The following ATP8B3 variants were observed in gnomAD, a reference collection of about 807,000 sequenced individuals.
ATP8B3 encodes ATPase phospholipid transporting 8B3, also known as phospholipid-transporting ATPase IK.
In ATP8B3, 141 loss-of-function variants were observed where a neutral mutation model predicts 140.9. The ratio of observed to expected loss-of-function variants is 1.00; its 90% confidence interval spans 0.87 to 1.15. The LOEUF is 1.15. Among genes scored for constraint, ATP8B3 ranks in the 50% most tolerant of loss-of-function variants. ATP8B3 has a pLI of 0.00. For missense variants in ATP8B3, 1,874 were observed against 1,740.6 expected (o/e 1.08, Z -1.36); for synonymous variants, 765 against 714.6 (o/e 1.07, Z -1.13).
At chr19:1,786,331 C>T (rs2068303145) in intron 25 of ATP8B3, among the ~76,000 whole-genome samples, 1 of 151,988 alleles carries the variant, frequency 6.6e-6, no homozygotes, top group South Asian at 2.1e-4. Flanking sequence ...TTGGGGAGGC[C>T]GAGGTGGGAG....
chr19:1,789,856 C>G, intron 22 of ATP8B3, 34 bp downstream of exon 22: 2 of 1,607,472 alleles, frequency 1.2e-6, no homozygotes, highest in South Asian at 2.2e-5. Flanking sequence ...TCCCTGGCGC[C>G]GGGACCCCGC....
rs986209996 is a variant in ATP8B3, at chr19:1,787,182, A to G, written c.3074T>C (p.Leu1025Pro). The G allele has an allele frequency of 6.2e-7, 1 of 1,608,660 alleles. No homozygotes were observed. The highest frequency in any genetic ancestry group is 8.5e-7 in the Non-Finnish European group (1 of 1,177,200). Residue 1025 changes from leucine to proline, a missense_variant, in exon 25 of 29, where the codon CTG becomes CCG. By Grantham distance (98) the Leu-to-Pro change is moderately conservative (BLOSUM62 -3). Coordinates refer to ENST00000310127, the MANE Select transcript of ATP8B3 (RefSeq NM_138813.4). ...AAGAGCCAGGAACCATCCTTCATACAGGGGCTGAGCCGGGGGAGAAGGGCA... is the reference window on the plus strand; with the variant it reads ...AAGAGCCAGGAACCATCCTTCATACGGGGGCTGAGCCGGGGGAGAAGGGCA... ...ACYNGFTGQP[L>P]YEGWFLALFN...
At position 1,785,671 on chromosome 19, in the gene ATP8B3, A is replaced by G. The variant is rs761859581; in HGVS notation, c.3191T>C (p.Leu1064Pro). The change falls in exon 26 of 29, where the codon CTG (leucine) becomes CCG (proline). Residue 1064 changes from leucine to proline, a missense_variant. By Grantham distance (98) the Leu-to-Pro change is moderately conservative. Around this residue, in one of 3 missense-constraint regions of ATP8B3, gnomAD observed 840 missense variants for 760.9 expected, o/e 1.10. Coordinates refer to ENST00000310127, the MANE Select transcript of ATP8B3 (RefSeq NM_138813.4). ...CTCGTCCTTCTGCCCCACCACGTAC[A>G]GCTCCGGCTTCTCCAGGCTCTGCTC... Reference protein sequence around the residue: ...SAEQSLEKPELYVVGQKDELF... With the variant: ...SAEQSLEKPEPYVVGQKDELF... 5.1e-6 allele frequency: 8 copies of G among 1,559,122 alleles called. No individual in the cohort carries two copies. In the Admixed American group the frequency reaches 1.0e-4, roughly 20 times the overall value.
At position 1,789,720 on chromosome 19, in the gene ATP8B3, A is replaced by G; in HGVS notation, c.2486T>C (p.Leu829Pro). The change falls in exon 23 of 29, where the codon CTG (leucine) becomes CCG (proline). Residue 829 changes from leucine to proline, a missense_variant. Leu to Pro is a moderately conservative substitution (Grantham distance 98). This residue lies in a region of ATP8B3 where 840 missense variants were observed against 760.9 expected (regional missense o/e 1.10). Transcript: ENST00000310127. ...LVINGDFLDK[L>P]LVSLRKEPRA... is the part of the protein sequence containing the mutation. Reference sequence around the variant, plus strand: ...CGGCTCCTTCCGCAGGGACACCAGCAGTTTGTCCTGGCCGGCGGGGAGGGG... The same window carrying G: ...CGGCTCCTTCCGCAGGGACACCAGCGGTTTGTCCTGGCCGGCGGGGAGGGG... The G allele has an allele frequency of 6.4e-7, 1 of 1,570,558 alleles. No homozygotes were observed.
rs1171670426 is a variant in ATP8B3, at chr19:1,806,354, G to A, written c.678-185C>T. The A allele has an allele frequency of 4.3e-5, 63 of 1,456,118 alleles. No individual in the cohort carries two copies. In the East Asian group the frequency reaches 1.6e-3, roughly 36 times the overall value. 90.2% of individuals were successfully genotyped at this position (1,456,118 alleles called of 1,614,324 possible). A position where few individuals can be genotyped will look rare whatever the true frequency, so the allele number is the denominator to read the frequency against. ...CCGCGGGTCCACGCTCCCACCCAGT[G>A]ACCTCCAGGGTCCTGCACCCACGTC... On this transcript the variant is annotated intron_variant, in intron 7 of 28. Transcript: ENST00000310127. This position sits in a 1 kb window ranked among gnomAD's most constrained non-coding sequence, Gnocchi z 5.6.
chr19:1,809,995 A>T (rs1210948020), intron 3 of ATP8B3, among the ~76,000 whole-genome samples: 2 of 152,212 alleles, frequency 1.3e-5, no homozygotes, highest in African/African-American at 4.8e-5. Context: ...AGACGCAGAG[A>T]ACAGGCCCTG....
intron 10 of ATP8B3, 39 bp from the exon 11 acceptor site, chr19:1,802,684 G>A: frequency 2.5e-6 from 4 of 1,585,064 alleles, no homozygotes; most frequent in Non-Finnish European, 3.4e-6. Flanking sequence ...AGTGGGCTCA[G>A]GCCCTCCTCC....
intron 20 of ATP8B3, among the ~76,000 whole-genome samples, chr19:1,791,325 C>T (rs1398191932): frequency 6.6e-6 from 1 of 151,928 alleles, no homozygotes; most frequent in Admixed American, 6.6e-5. Flanking sequence ...AGCCTCCTGC[C>T]TCGTTTCTCT....
In ATP8B3 at chr19:1,805,446, A is replaced by C; in HGVS notation, c.832T>G (p.Leu278Val). Residue 278 changes from leucine (L) to valine (V), a missense_variant, in exon 10 of 29, where the codon TTG (leucine) becomes GTG (valine). Coordinates refer to ENST00000310127, the MANE Select transcript of ATP8B3 (RefSeq NM_138813.4). The surrounding 1 kb of genome is among the most constrained non-coding windows in gnomAD (Gnocchi z 5.2). ...ACCATCAGGGCCTGTCTGAACTTCA[A>C]GTTGGTCTCCCTGGTGACGAGGAGA... ...ETVDIDGETN[L>V]KFRQALMVTH... 6.4e-7 allele frequency: 1 copy of C among 1,562,932 alleles called. No homozygotes were observed. The highest frequency in any genetic ancestry group is 8.7e-7 in the Non-Finnish European group (1 of 1,151,724).
Position 1,782,354 on chromosome 19 carries a change from A to AGCT in ATP8B3, c.*671_*673dup. ...TGACTGCTCCTCTGGGGGCAAGGAT[A>AGCT]GCTGCTCCTCCCCGGGCACCAGCAG... On this transcript the variant is annotated 3_prime_UTR_variant, in exon 29 of 29. Coordinates refer to ENST00000310127, the MANE Select transcript of ATP8B3 (RefSeq NM_138813.4). The AGCT allele has an allele frequency of 3.5e-6, 1 of 286,864 alleles. No homozygotes were observed. The highest frequency in any genetic ancestry group is 6.5e-6 in the Non-Finnish European group (1 of 154,602). 17.8% of individuals were successfully genotyped at this position (286,864 alleles called of 1,614,324 possible). A position where few individuals can be genotyped will look rare whatever the true frequency, so the allele number is the denominator to read the frequency against.
At position 1,789,415 on chromosome 19, in the gene ATP8B3, G is replaced by C. The variant is rs2068415811; in HGVS notation, c.2791C>G (p.Gln931Glu). Residue 931 changes from glutamine to glutamate, a missense_variant, in exon 23 of 29, where the codon CAG becomes GAG. Around this residue, in one of 3 missense-constraint regions of ATP8B3, gnomAD observed 840 missense variants for 760.9 expected, o/e 1.10. Coordinates refer to ENST00000310127, the MANE Select transcript of ATP8B3 (RefSeq NM_138813.4). Reference sequence around the variant, plus strand: ...TCCCCGATGGCCAGGGTCACCACCTGGTGGTACTTCTTGACCAGGGCCACG... The same window carrying C: ...TCCCCGATGGCCAGGGTCACCACCTCGTGGTACTTCTTGACCAGGGCCACG... ...LIVALVKKYH[Q>E]VVTLAIGDGA... The C allele has an allele frequency of 5.6e-6, 9 of 1,597,902 alleles. No individual in the cohort carries two copies. In the East Asian group the frequency reaches 1.8e-4, roughly 32 times the overall value.
rs1600404556 is a variant in ATP8B3, at chr19:1,789,814, C to A, written c.2478+76G>T. The stretch of plus-strand genomic sequence containing the variant: ...CCGGCCCTCGGCCTCGCCAGCAGTC[C>A]CCACCCCGAGCCCGCCGCCCCTCCA... On this transcript the variant is annotated intron_variant, in intron 22 of 28. Coordinates refer to ENST00000310127, the MANE Select transcript of ATP8B3 (RefSeq NM_138813.4). The A allele has an allele frequency of 5.1e-6, 8 of 1,583,842 alleles. No individual in the cohort carries two copies. In the East Asian group the frequency reaches 1.8e-4, roughly 36 times the overall value.
In ATP8B3 at chr19:1,785,070, C is replaced by G; in HGVS notation, c.3532+89G>C. 5 of 1,482,258 alleles carry G rather than the reference C, an allele frequency of 3.4e-6. No homozygotes were observed. The South Asian group carries it at 5.6e-5, about 16-fold the overall frequency. The allele number at this position is 1,482,258 out of a possible 1,614,324, so 91.8% of individuals were successfully genotyped here. ...GAGCGCCTTCCCCAGGACACTTTGCCGGACGACTGTCATGAGCAACCTGCA... is the reference window on the plus strand; with the variant it reads ...GAGCGCCTTCCCCAGGACACTTTGCGGGACGACTGTCATGAGCAACCTGCA... On this transcript the variant is annotated intron_variant, in intron 27 of 28. Coordinates refer to ENST00000310127, the MANE Select transcript of ATP8B3 (RefSeq NM_138813.4).
In ATP8B3 at chr19:1,808,339, G is replaced by A; in HGVS notation, c.403-4C>T. 2 of 1,608,978 alleles carry A rather than the reference G, an allele frequency of 1.2e-6. No individual in the cohort carries two copies. The highest frequency in any genetic ancestry group is 1.1e-5 in the South Asian group (1 of 90,656). On this transcript the variant is annotated splice_polypyrimidine_tract_variant and splice_region_variant and intron_variant, in intron 4 of 28. Coordinates refer to ENST00000310127, the MANE Select transcript of ATP8B3 (RefSeq NM_138813.4). The stretch of plus-strand genomic sequence containing the variant: ...TGGCCGTGCGGATGACATTGGTCTG[G>A]AACGAGAGCCGCGGGCTGCCTGGCA...
intron 18 of ATP8B3, among the ~76,000 whole-genome samples, chr19:1,793,823 A>C (rs1373657847): frequency 6.7e-6 from 1 of 148,588 alleles, no homozygotes; most frequent in Non-Finnish European, 1.5e-5. Context: ...GCTCACTGCA[A>C]GCTCTGCCTC....
In ATP8B3 at chr19:1,782,928, A is replaced by G; in HGVS notation, c.*100T>C. The G allele has an allele frequency of 7.0e-7, 1 of 1,434,316 alleles. No homozygotes were observed. The highest frequency in any genetic ancestry group is 9.4e-7 in the Non-Finnish European group (1 of 1,065,628). 88.8% of individuals were successfully genotyped at this position (1,434,316 alleles called of 1,614,324 possible). On this transcript the variant is annotated 3_prime_UTR_variant, in exon 29 of 29. Transcript: ENST00000310127. ...AGAGCGGATTGTCTATCCATAGAAA[A>G]TGATGAGCTAGGTGTAGGGGGGAGC...
In ATP8B3 at chr19:1,792,702, A is replaced by G. The variant is rs369338126; in HGVS notation, c.2056-567T>C. Among the ~76,000 whole-genome samples, 4 of 152,134 alleles carry G rather than the reference A, an allele frequency of 2.6e-5. No homozygotes were observed. The South Asian group carries it at 6.2e-4, about 24-fold the overall frequency. ...CGAGGCAGGCGGATCACTTGAGGCC[A>G]GGAGTTTGAGACCAGCTTAACCAAT... On this transcript the variant is annotated intron_variant, in intron 18 of 28. Coordinates refer to ENST00000310127, the MANE Select transcript of ATP8B3 (RefSeq NM_138813.4).
At chr19:1,787,225 T>C in intron 24 of ATP8B3, 39 bp from the exon 25 acceptor site, 1 of 1,546,818 alleles carries the variant, frequency 6.5e-7, no homozygotes, top group Non-Finnish European at 8.8e-7. Flanking sequence ...CAAGTCAGCC[T>C]CCAGGCACCC....
rs1568664046 is a variant in ATP8B3, at chr19:1,809,675, CCTT to C, written c.367_369del (p.Lys123del). On this transcript the variant is annotated inframe_deletion, in exon 4 of 29. Transcript: ENST00000310127. ...TTCTTCCTTTGCCAGCACAGGATCA[CCTT>C]CTCCTTGAACTGCCCGTTGTAGGCA... 1 of 1,611,218 alleles carries C rather than the reference CCTT, an allele frequency of 6.2e-7. No individual in the cohort carries two copies. The highest frequency in any genetic ancestry group is 8.5e-7 in the Non-Finnish European group (1 of 1,179,076).
Sources: allele counts gnomAD v4.1 joint callset (sites outside exome capture counted in the v4.1 genomes callset), GRCh38; gene constraint gnomAD v4.1.1; regional missense constraint gnomAD v4.1.1; non-coding constraint Gnocchi (gnomAD v3.1); transcripts MANE v1.5; gene names NCBI Gene and HGNC (gene_info 2026-07-23, HGNC 2026-07-21).